The following PXDNL variants were observed in gnomAD, a reference collection of about 807,000 sequenced individuals.
PXDNL encodes peroxidasin like.
Under a neutral mutation model 150.8 loss-of-function variants are expected in PXDNL, and 145 were observed. The observed-to-expected ratio is 0.96, with a 90% CI of 0.84 to 1.10. PXDNL has a LOEUF of 1.10. Ranked by LOEUF, PXDNL falls within the 50% of genes least tolerant of loss-of-function variation. The pLI, the probability that PXDNL is intolerant of heterozygous loss-of-function variation, is 0.00. For missense variants in PXDNL, 2,087 were observed against 1,873.9 expected, an observed-to-expected ratio of 1.11 and a Z score of -2.10; for synonymous variants, 757 against 725.7, an observed-to-expected ratio of 1.04 and a Z score of -0.69.
intron 4 of PXDNL, among the ~76,000 whole-genome samples, chr8:51,536,314 G>A (rs1040277923): frequency 6.6e-6 from 1 of 152,196 alleles, no homozygotes; most frequent in African/African-American, 2.4e-5. Flanking sequence ...TAGACTATGA[G>A]GCCTTGTTTT....
At position 51,608,054 on chromosome 8, in the gene PXDNL, A is replaced by C. The variant is rs150762218; in HGVS notation, c.237-15356T>G. Among the ~76,000 whole-genome samples, 827 of 111,590 alleles carry C rather than the reference A, an allele frequency of 7.4e-3. 24 individuals are homozygous for C. The highest frequency in any genetic ancestry group is 0.027 in the African/African-American group (632 of 23,466). The allele number at this position is 111,590 out of a possible 152,430, so 73.2% of individuals were successfully genotyped here. A position where few individuals can be genotyped will look rare whatever the true frequency, so the allele number is the denominator to read the frequency against. On this transcript the variant is annotated intron_variant, in intron 2 of 22. Transcript: ENST00000356297. ...GAAAGAAAGAAAGAAAGAAAGAAAG[A>C]AAGCAAGCAAGCAAGCAAGCAAGCA...
chr8:51,584,350 G>A (rs1585598726), intron 3 of PXDNL, among the ~76,000 whole-genome samples: 1 of 152,182 alleles, frequency 6.6e-6, no homozygotes, highest in East Asian at 1.9e-4. Context: ...TAGGAGAGGT[G>A]TCACTGCTCT....
chr8:51,340,735 A>G (rs549987022), intron 20 of PXDNL, among the ~76,000 whole-genome samples: 24 of 152,370 alleles, frequency 1.6e-4, no homozygotes, highest in Non-Finnish European at 2.4e-4. Context: ...TAGTCACTGG[A>G]TAACTCCATG....
intron 12 of PXDNL, among the ~76,000 whole-genome samples, chr8:51,442,574 T>A (rs186839010): frequency 6.6e-6 from 1 of 152,090 alleles, no homozygotes; most frequent in Non-Finnish European, 1.5e-5. Flanking sequence ...TGAGAATGAA[T>A]GTTGAATGTT....
At chr8:51,535,131 C>CG (rs1812038745) in intron 4 of PXDNL, among the ~76,000 whole-genome samples, 2 of 126,010 alleles carry the variant, frequency 1.6e-5, no homozygotes, top group Non-Finnish European at 3.2e-5. Context: ...CCGCCCCATC[C>CG]GGGAGGTGAG....
chr8:51,723,835 G>C (rs1339831563), intron 1 of PXDNL, among the ~76,000 whole-genome samples: 1 of 152,116 alleles, frequency 6.6e-6, no homozygotes, highest in Non-Finnish European at 1.5e-5. Flanking sequence ...TACTTTTGTT[G>C]ACAATGAGAG....
chr8:51,609,385 TG>T (rs1173671495), intron 2 of PXDNL, among the ~76,000 whole-genome samples: 3 of 152,184 alleles, frequency 2.0e-5, no homozygotes, highest in African/African-American at 4.8e-5. Flanking sequence ...GGATTGTCCT[TG>T]GGAGGACACA....
At chr8:51,431,273 C>A (rs1483447653) in intron 12 of PXDNL, among the ~76,000 whole-genome samples, 2 of 152,142 alleles carry the variant, frequency 1.3e-5, no homozygotes, top group Non-Finnish European at 2.9e-5. Flanking sequence ...CTAGGAAAAA[C>A]AGGCCCTTCC....
At chr8:51,732,104 T>G (rs1224613640) in intron 1 of PXDNL, among the ~76,000 whole-genome samples, 1 of 152,234 alleles carries the variant, frequency 6.6e-6, no homozygotes, top group Non-Finnish European at 1.5e-5. Flanking sequence ...TTCCAAACTT[T>G]TATGTTGTAC....
chr8:51,776,671 A>G (rs915119436), intron 1 of PXDNL, among the ~76,000 whole-genome samples: 71 of 151,936 alleles, frequency 4.7e-4, no homozygotes, highest in Non-Finnish European at 6.9e-4. Context: ...GTTAAGTTGT[A>G]TTTTTTAGCA....
intron 1 of PXDNL, among the ~76,000 whole-genome samples, chr8:51,660,974 C>T (rs764609388): frequency 5.3e-5 from 8 of 152,168 alleles, no homozygotes; most frequent in Non-Finnish European, 8.8e-5. Flanking sequence ...CATTTCAGGA[C>T]GGTGCTGGGA....
rs1265772531 is a variant in PXDNL, at chr8:51,408,816, AAAGGGCAAT to A, written c.2799_2807del (p.Leu933_Pro935del). Reference sequence around the variant, plus strand: ...CGCACTCGGTGGGTGGGCCTGTAGAAAAGGGCAATAAGGGCTTTCCGGAGGGAGGCCAAG... The same window carrying A: ...CGCACTCGGTGGGTGGGCCTGTAGAAAAGGGCTTTCCGGAGGGAGGCCAAG... On this transcript the variant is annotated inframe_deletion, in exon 17 of 23. Coordinates refer to ENST00000356297, the MANE Select transcript of PXDNL (RefSeq NM_144651.5). 6.4e-7 allele frequency: 1 copy of A among 1,569,398 alleles called. No homozygotes were observed.
rs141677988 is a variant in PXDNL, at chr8:51,518,976, G to A, written c.381-19206C>T. ...GACAAAAGGGACAGGAAATAAACAA[G>A]GACTCCAGGATTTTGGTCAGAAATT... On this transcript the variant is annotated intron_variant, in intron 4 of 22. Coordinates refer to ENST00000356297, the MANE Select transcript of PXDNL (RefSeq NM_144651.5). Among the ~76,000 whole-genome samples the A allele has an allele frequency of 3.4e-3, 520 of 152,226 alleles. 4 individuals carry two copies. The highest frequency in any genetic ancestry group is 0.012 in the African/African-American group (483 of 41,538).
At chr8:51,687,038 T>C (rs1815892415) in intron 1 of PXDNL, among the ~76,000 whole-genome samples, 1 of 152,150 alleles carries the variant, frequency 6.6e-6, no homozygotes, top group South Asian at 2.1e-4. Context: ...GTCATTCTTA[T>C]TAATAACCAA....
In PXDNL at chr8:51,422,011, C is replaced by T. The variant is rs1808968248; in HGVS notation, c.1795+1564G>A. ...AGCGAGCATTACTGCCTGAGCTCCACCTCCTGTCAGATCAGCAGGGGCACT... is the reference window on the plus strand; with the variant it reads ...AGCGAGCATTACTGCCTGAGCTCCATCTCCTGTCAGATCAGCAGGGGCACT... On this transcript the variant is annotated intron_variant, in intron 14 of 22. Transcript: ENST00000356297. Among the ~76,000 whole-genome samples the T allele has an allele frequency of 4.6e-5, 7 of 152,114 alleles. No homozygotes were observed. The South Asian group carries it at 1.2e-3, about 27-fold the overall frequency.
At chr8:51,621,991 TA>T (rs1399792754) in intron 2 of PXDNL, among the ~76,000 whole-genome samples, 128 of 150,672 alleles carry the variant, frequency 8.5e-4, no homozygotes, top group African/African-American at 2.9e-3. Context: ...TTAAGTTTAC[TA>T]ATCAGTTGAC....
At chr8:51,676,223 C>T (rs1440587015) in intron 1 of PXDNL, among the ~76,000 whole-genome samples, 1 of 152,060 alleles carries the variant, frequency 6.6e-6, no homozygotes, top group Admixed American at 6.6e-5. Context: ...TTCACCTATG[C>T]TGGCCATTTG....
intron 4 of PXDNL, among the ~76,000 whole-genome samples, chr8:51,523,004 T>A (rs765615150): frequency 6.6e-6 from 1 of 152,216 alleles, no homozygotes; most frequent in Non-Finnish European, 1.5e-5. Flanking sequence ...ACAACAGTGA[T>A]ATCTTTTTAT....
At chr8:51,411,584 C>T (rs1199657053) in intron 15 of PXDNL, among the ~76,000 whole-genome samples, 177 bp from the exon 16 acceptor site, 4 of 152,146 alleles carry the variant, frequency 2.6e-5, no homozygotes, top group Middle Eastern at 3.2e-3. Flanking sequence ...TTGCTAACAA[C>T]TTATTCCAAA....
Sources: allele counts gnomAD v4.1 joint callset (sites outside exome capture counted in the v4.1 genomes callset), GRCh38; gene constraint gnomAD v4.1.1; transcripts MANE v1.5; gene names NCBI Gene and HGNC (gene_info 2026-07-23, HGNC 2026-07-21).